AFAP1L2: variants seen among roughly 807,000 people sequenced by gnomAD.
AFAP1L2 encodes actin filament-associated protein 1-like 2.
Under a neutral mutation model 99.3 loss-of-function variants are expected in AFAP1L2, and 46 were observed. The observed-to-expected ratio is 0.46, with a 90% confidence interval of 0.37 to 0.59. The LOEUF (loss-of-function observed/expected upper bound fraction) is 0.59, where lower values mean the gene tolerates loss of function less well. Ranked by LOEUF, AFAP1L2 falls within the 20% of genes least tolerant of loss-of-function variation. The pLI is 0.00. For missense variants in AFAP1L2, 959 were observed against 1,034.9 expected (o/e 0.93, Z 1.01); for synonymous variants, 397 against 419.1 (o/e 0.95, Z 0.64).
At chr10:114,398,651 T>A (rs2057955033) in intron 1 of AFAP1L2, among the ~76,000 whole-genome samples, 1 of 152,270 alleles carries the variant, frequency 6.6e-6, no homozygotes, top group African/African-American at 2.4e-5. Flanking sequence ...AAAGATTAAT[T>A]GACTTGCCCA....
intron 2 of AFAP1L2, among the ~76,000 whole-genome samples, chr10:114,338,116 GCCT>G (rs2135814863): frequency 6.6e-6 from 1 of 152,376 alleles, no homozygotes; most frequent in South Asian, 2.1e-4. Context: ...ATAGCGACAT[GCCT>G]CGGCTTTACG....
At chr10:114,310,810 G>T (rs971066711) in intron 7 of AFAP1L2, among the ~76,000 whole-genome samples, 1 of 152,208 alleles carries the variant, frequency 6.6e-6, no homozygotes, top group East Asian at 1.9e-4. Context: ...TGTTGCAGGC[G>T]TGATCAACAA....
Position 114,377,789 on chromosome 10 carries a change from G to C in AFAP1L2, c.16+26651C>G, listed in dbSNP as rs2055005570. Among the ~76,000 whole-genome samples the C allele has an allele frequency of 6.6e-6, 1 of 152,218 alleles. No homozygotes were observed. Among genetic ancestry groups the C allele is most frequent in the Non-Finnish European group, 1.5e-5 (1 of 68,036 alleles). On this transcript the variant is annotated intron_variant, in intron 1 of 18. Coordinates refer to ENST00000304129, the MANE Select transcript of AFAP1L2 (RefSeq NM_001001936.3). This position sits in a 1 kb window ranked among gnomAD's most constrained non-coding sequence, Gnocchi z 4.0. ...GAGAAACACAGAGGAAGGAGGACCT[G>C]TTGGCCTGAGAGGCTTAAGGAGAGA...
chr10:114,296,309 G>A, intron 18 of AFAP1L2: 1 of 536,598 alleles, frequency 1.9e-6, no homozygotes, highest in Non-Finnish European at 3.3e-6. Context: ...AGGGAGTGGA[G>A]GTTCAGATGC....
intron 4 of AFAP1L2, among the ~76,000 whole-genome samples, chr10:114,324,619 G>A (rs551270991): frequency 2.8e-4 from 43 of 152,350 alleles, no homozygotes; most frequent in Admixed American, 5.2e-4. Flanking sequence ...GGCAGAGCTC[G>A]AAATGTATTC....
chr10:114,339,998 A>C (rs980214996), intron 2 of AFAP1L2, among the ~76,000 whole-genome samples: 2 of 127,238 alleles, frequency 1.6e-5, no homozygotes, highest in African/African-American at 5.7e-5. Context: ...GCAACAGAGC[A>C]AGACCCCGTC....
chr10:114,312,664 C>T (rs905494186), intron 7 of AFAP1L2, among the ~76,000 whole-genome samples: 2 of 152,212 alleles, frequency 1.3e-5, no homozygotes, highest in African/African-American at 2.4e-5. Flanking sequence ...GAACTCAGAG[C>T]CCTGGCTCTT....
intron 1 of AFAP1L2, among the ~76,000 whole-genome samples, chr10:114,370,008 C>A (rs2053881771): frequency 6.6e-6 from 1 of 152,138 alleles, no homozygotes; most frequent in Non-Finnish European, 1.5e-5. Flanking sequence ...TTTGCCACCA[C>A]CAAGCAGGGT....
At position 114,364,231 on chromosome 10, in the gene AFAP1L2, C is replaced by A. The variant is rs959699495; in HGVS notation, c.17-23500G>T. On this transcript the variant is annotated intron_variant, in intron 1 of 18. Coordinates refer to ENST00000304129, the MANE Select transcript of AFAP1L2 (RefSeq NM_001001936.3). ...GTCAGGGAAGGGGCCTGGCAGTCAC[C>A]CCTCATGTGGGCCAAGATCCTGGGG... Among the ~76,000 whole-genome samples, 3 of 152,304 alleles carry A rather than the reference C, an allele frequency of 2.0e-5. No homozygotes were observed. In the East Asian group the frequency reaches 5.8e-4, roughly 29 times the overall value.
chr10:114,321,496 C>T (rs2045310000), intron 5 of AFAP1L2, among the ~76,000 whole-genome samples: 1 of 152,080 alleles, frequency 6.6e-6, no homozygotes, highest in Admixed American at 6.6e-5. Flanking sequence ...TTCTTTATCC[C>T]CCTCATTGGT....
chr10:114,289,478 G>A, the AFAP1L2 span: 2 of 1,614,080 alleles, frequency 1.2e-6, no homozygotes, highest in Non-Finnish European at 1.7e-6. Flanking sequence ...CTCATTGAGT[G>A]GCTGTGTGGA....
intron 1 of AFAP1L2, among the ~76,000 whole-genome samples, chr10:114,360,494 TA>T (rs1198321229): frequency 2.6e-5 from 3 of 114,756 alleles, no homozygotes; most frequent in African/African-American, 1.1e-4. Context: ...TCTAGATAGA[TA>T]GATAGATAGA....
At chr10:114,327,290 G>A (rs915134543) in intron 4 of AFAP1L2, among the ~76,000 whole-genome samples, 14 of 148,960 alleles carry the variant, frequency 9.4e-5, no homozygotes, top group Non-Finnish European at 1.9e-4. Context: ...TCAGCCTCCC[G>A]AGTAGCTGCG....
intron 1 of AFAP1L2, among the ~76,000 whole-genome samples, chr10:114,375,742 G>A (rs1241558659): frequency 6.6e-6 from 1 of 152,192 alleles, no homozygotes; most frequent in African/African-American, 2.4e-5. Context: ...TGAAGGATAA[G>A]GAGGGAGGAT....
At chr10:114,361,507 G>A (rs1432356013) in intron 1 of AFAP1L2, among the ~76,000 whole-genome samples, 3 of 152,118 alleles carry the variant, frequency 2.0e-5, no homozygotes, top group South Asian at 2.1e-4. Context: ...ACGTTAAACC[G>A]AAAGCCGGGG....
chr10:114,334,593 C>T (rs1443032791), intron 2 of AFAP1L2, among the ~76,000 whole-genome samples: 3 of 152,300 alleles, frequency 2.0e-5, no homozygotes, highest in South Asian at 2.1e-4. Flanking sequence ...GTGATGAGCA[C>T]CTCTGGTTGT....
intron 16 of AFAP1L2, 93 bp from the exon 17 acceptor site, chr10:114,297,506 A>C: frequency 7.5e-7 from 1 of 1,328,544 alleles, no homozygotes. Context: ...ATACCCCGCC[A>C]CCCGAGAAGG....
chr10:114,296,691 C>T, intron 18 of AFAP1L2: 1 of 385,402 alleles, frequency 2.6e-6, no homozygotes, highest in Admixed American at 3.7e-5. Flanking sequence ...CCCTGAGCTG[C>T]AGCTGGCCTC....
chr10:114,290,321 G>A (rs142603181), downstream of AFAP1L2: 547 of 1,550,596 alleles, frequency 3.5e-4, 8 homozygotes, highest in East Asian at 7.2e-3. Context: ...GGGAGCTACC[G>A]CTGCAAGTGT....
Sources: allele counts gnomAD v4.1 joint callset (sites outside exome capture counted in the v4.1 genomes callset), GRCh38; gene constraint gnomAD v4.1.1; non-coding constraint Gnocchi (gnomAD v3.1); transcripts MANE v1.5; gene names NCBI Gene and HGNC (gene_info 2026-07-23, HGNC 2026-07-21).